NECTIN3: variants seen among roughly 807,000 people sequenced by gnomAD.
The protein encoded by NECTIN3 is nectin cell adhesion molecule 3, also known as nectin-3.
NECTIN3 carries 8 observed loss-of-function variants against 49.4 expected under a neutral mutation model. The observed-to-expected ratio is 0.16, with a 90% CI of 0.10 to 0.29. The LOEUF (loss-of-function observed/expected upper bound fraction) is 0.29. NECTIN3 is among the 10% of genes least tolerant of loss of function. The probability of loss-of-function intolerance (pLI) is 1.00; values close to 1 mark genes in which losing one functional copy is unlikely to be tolerated. For synonymous variants in NECTIN3, 277 were observed against 241.1 expected, an observed-to-expected ratio of 1.15 and a Z score of -1.38; for missense variants, 581 against 654.6, an observed-to-expected ratio of 0.89 and a Z score of 1.23.
At chr3:111,111,508 G>A (rs987796699) in intron 1 of NECTIN3, among the ~76,000 whole-genome samples, 6 of 152,098 alleles carry the variant, frequency 3.9e-5, no homozygotes, top group Non-Finnish European at 8.8e-5. Flanking sequence ...ACATGCATAA[G>A]TTATCTATTG....
intron 1 of NECTIN3, among the ~76,000 whole-genome samples, chr3:111,109,957 G>A (rs2107444933): frequency 6.6e-6 from 1 of 151,994 alleles, no homozygotes; most frequent in African/African-American, 2.4e-5. Flanking sequence ...TTATTCATGA[G>A]TGTTTTAAAT....
intron 1 of NECTIN3, among the ~76,000 whole-genome samples, chr3:111,084,780 C>G (rs988340225): frequency 5.3e-5 from 8 of 152,092 alleles, no homozygotes; most frequent in Non-Finnish European, 1.0e-4. Flanking sequence ...AGTTTTCAGA[C>G]AGATGGGAAA....
chr3:111,081,518 C>A (rs947826736), intron 1 of NECTIN3, among the ~76,000 whole-genome samples: 3 of 152,134 alleles, frequency 2.0e-5, no homozygotes, highest in South Asian at 2.1e-4. Context: ...ATAATACTTT[C>A]TTCACAGAAT....
At chr3:111,072,365 A>C (rs2030828248) in intron 1 of NECTIN3, 188 bp downstream of exon 1, 1 of 1,481,858 alleles carries the variant, frequency 6.7e-7, no homozygotes, top group South Asian at 1.4e-5. Flanking sequence ...AGGCCAGCGA[A>C]TGCTGAGCCG....
chr3:111,135,883 A>T lies in NECTIN3; in HGVS notation c.*1668A>T. ...TCTTTTATTTCTCTTCCCAAAAGTA[A>T]TACTTATTATAAGGCTGTAGTATCA... On this transcript the variant is annotated 3_prime_UTR_variant, in exon 6 of 6. Transcript: ENST00000485303. The T allele has an allele frequency of 1.1e-6, 1 of 907,800 alleles. No individual in the cohort carries two copies. Among genetic ancestry groups the T allele is most frequent in the Non-Finnish European group, 1.3e-6 (1 of 771,622 alleles). The allele number at this position is 907,800 out of a possible 1,614,324, so 56.2% of individuals were successfully genotyped here.
exon 6 of NECTIN3, chr3:111,144,899 A>C: frequency 6.5e-7 from 1 of 1,533,024 alleles, no homozygotes; most frequent in Admixed American, 2.0e-5. Context: ...TACTTTACAG[A>C]TGTTCCATTT....
intron 7 of NECTIN3, among the ~76,000 whole-genome samples, chr3:111,179,504 G>T (rs1050069403): frequency 1.3e-5 from 2 of 152,144 alleles, no homozygotes; most frequent in Non-Finnish European, 2.9e-5. Context: ...CTCTTAGTGG[G>T]TTAACAGGAA....
intron 4 of NECTIN3, among the ~76,000 whole-genome samples, chr3:111,125,144 T>C (rs1280858478): frequency 2.0e-5 from 3 of 147,986 alleles, no homozygotes; most frequent in African/African-American, 7.5e-5. Context: ...TTCTCCTGCC[T>C]CAGCATCCCA....
intron 5 of NECTIN3, among the ~76,000 whole-genome samples, chr3:111,129,558 T>C (rs1332952544): frequency 6.6e-6 from 1 of 152,226 alleles, no homozygotes; most frequent in Non-Finnish European, 1.5e-5. Context: ...TCTGCTTTTG[T>C]GTAACTTAAC....
chr3:111,146,056 T>G (rs1475264007), intron 6 of NECTIN3, among the ~76,000 whole-genome samples: 2 of 152,162 alleles, frequency 1.3e-5, no homozygotes, highest in East Asian at 3.9e-4. Context: ...TTCGTTGGAT[T>G]AGAAAAAACA....
At chr3:111,191,942 C>T (rs995368042), upstream of NECTIN3, among the ~76,000 whole-genome samples, 5 of 152,194 alleles carry the variant, frequency 3.3e-5, no homozygotes, top group African/African-American at 1.2e-4. Flanking sequence ...AACAATTCTC[C>T]TGTCTCAGCC....
At chr3:111,144,537 A>G (rs944263968) in intron 5 of NECTIN3, among the ~76,000 whole-genome samples, 2 of 151,836 alleles carry the variant, frequency 1.3e-5, no homozygotes, top group African/African-American at 2.4e-5. Flanking sequence ...CTGGTCGTTT[A>G]TATTAGAGAA....
intron 1 of NECTIN3, among the ~76,000 whole-genome samples, chr3:111,092,379 G>A (rs1008730106): frequency 6.6e-6 from 1 of 152,068 alleles, no homozygotes; most frequent in Non-Finnish European, 1.5e-5. Flanking sequence ...ACTAACACAA[G>A]TTCATGAAGA....
intron 1 of NECTIN3, among the ~76,000 whole-genome samples, chr3:111,087,723 G>A (rs540127810): frequency 2.0e-5 from 3 of 151,206 alleles, no homozygotes; most frequent in Non-Finnish European, 2.9e-5. Flanking sequence ...TTTTGAGACC[G>A]AGTCTTGTTC....
rs892228122 is a variant in NECTIN3, at chr3:111,134,916, T to G, written c.*701T>G. Reference sequence around the variant, plus strand: ...GAGCATAATTAGCTGGTCAATATTTTTGTCCAAAATACCTGCAAGAGTAAT... The same window carrying G: ...GAGCATAATTAGCTGGTCAATATTTGTGTCCAAAATACCTGCAAGAGTAAT... On this transcript the variant is annotated 3_prime_UTR_variant, in exon 6 of 6. Coordinates refer to ENST00000485303, the MANE Select transcript of NECTIN3 (RefSeq NM_015480.3). 2.1e-5 allele frequency: 21 copies of G among 983,686 alleles called. No homozygotes were observed. Among genetic ancestry groups the G allele is most frequent in the Non-Finnish European group, 2.5e-5 (21 of 828,560 alleles). 60.9% of individuals were successfully genotyped at this position (983,686 alleles called of 1,614,324 possible). A position where few individuals can be genotyped will look rare whatever the true frequency, so the allele number is the denominator to read the frequency against.
At chr3:111,086,716 C>T (rs1359827260) in intron 1 of NECTIN3, among the ~76,000 whole-genome samples, 1 of 152,048 alleles carries the variant, frequency 6.6e-6, no homozygotes, top group East Asian at 1.9e-4. Flanking sequence ...GTTCCTTTTT[C>T]CTTTCCACAT....
intron 7 of NECTIN3, among the ~76,000 whole-genome samples, chr3:111,172,282 C>T (rs1339105731): frequency 6.6e-6 from 1 of 152,164 alleles, no homozygotes; most frequent in African/African-American, 2.4e-5. Flanking sequence ...AGCATACCCA[C>T]ACATCATATA....
chr3:111,089,160 T>C (rs1227370747), intron 1 of NECTIN3, among the ~76,000 whole-genome samples: 2 of 152,100 alleles, frequency 1.3e-5, no homozygotes, highest in Admixed American at 6.5e-5. Flanking sequence ...TCATTTCTTA[T>C]GTTAGTATTT....
Position 111,112,331 on chromosome 3 carries a change from G to T in NECTIN3, c.462G>T (p.Pro154=). 6.2e-7 allele frequency: 1 copy of T among 1,611,890 alleles called. No homozygotes were observed. Among genetic ancestry groups the T allele is most frequent in the Non-Finnish European group, 8.5e-7 (1 of 1,178,674 alleles). The change falls in exon 2 of 6, where the codon CCG becomes CCT. Residue 154 remains proline, a synonymous_variant. Coordinates refer to ENST00000485303, the MANE Select transcript of NECTIN3 (RefSeq NM_015480.3). The part of the protein sequence containing the change: ...GKYICKAVTF[P]LGNAQSSTTV... The stretch of plus-strand genomic sequence containing the variant: ...ACATCTGCAAAGCTGTTACATTCCC[G>T]CTTGGAAATGCCCAGTCCTCTACAA...
Sources: gnomAD v4.1 joint callset for allele counts (sites outside exome capture counted in the v4.1 genomes callset) on GRCh38, gnomAD v4.1.1 for gene constraint, MANE v1.5 for transcripts, NCBI Gene and HGNC (gene_info 2026-07-23, HGNC 2026-07-21) for gene names.